GRIP1: variants seen among roughly 807,000 people sequenced by gnomAD.
GRIP1 encodes glutamate receptor interacting protein 1.
A neutral mutation model predicts 129.9 loss-of-function variants in GRIP1; 45 were observed. That is an observed-to-expected ratio of 0.35 (90% CI 0.27 to 0.44). The LOEUF is 0.44. Ranked by LOEUF, GRIP1 falls within the 20% of genes least tolerant of loss-of-function variation. The pLI is 1.00. For missense variants in GRIP1, 1,196 were observed against 1,396.8 expected, an observed-to-expected ratio of 0.86 and a Z score of 2.29; for synonymous variants, 530 against 520.8, an observed-to-expected ratio of 1.02 and a Z score of -0.24.
At position 66,456,190 on chromosome 12, in the gene GRIP1, G is replaced by T. The variant is rs532155890; in HGVS notation, c.1195C>A (p.Pro399Thr). The part of the protein sequence containing the change: ...TFPKAPPPNS[P>T]PALVSSSFSP... ...AGGAGAAAGCATGGAACATTACGAG[G>T]GCTGTTTGGAGGAGGTGCTTTCGGG... Residue 399 changes from proline (P) to threonine (T), a missense_variant, in exon 10 of 25, where the codon CCT becomes ACT. By Grantham distance (38) the Pro-to-Thr change is conservative (BLOSUM62 -1). This residue lies in a region of GRIP1 where 508 missense variants were observed against 587.0 expected (regional missense o/e 0.87). Transcript: ENST00000359742. The T allele has an allele frequency of 1.6e-6, 2 of 1,287,290 alleles. No individual in the cohort carries two copies. Among genetic ancestry groups the T allele is most frequent in the Non-Finnish European group, 2.0e-6 (2 of 986,322 alleles). 79.7% of individuals were successfully genotyped at this position (1,287,290 alleles called of 1,614,324 possible).
intron 1 of GRIP1, among the ~76,000 whole-genome samples, chr12:66,870,927 T>C (rs879309062): frequency 1.3e-5 from 2 of 152,136 alleles, no homozygotes; most frequent in Admixed American, 6.6e-5. Flanking sequence ...AACTTTAACA[T>C]TATAGCTCTC....
chr12:66,729,429 A>G (rs1301618164), intron 1 of GRIP1, among the ~76,000 whole-genome samples: 1 of 152,222 alleles, frequency 6.6e-6, no homozygotes, highest in African/African-American at 2.4e-5. Context: ...TATGCACTTA[A>G]CATTACATAT....
intron 2 of GRIP1, among the ~76,000 whole-genome samples, chr12:66,574,585 T>C (rs1212413133): frequency 1.3e-5 from 2 of 152,234 alleles, no homozygotes; most frequent in Non-Finnish European, 2.9e-5. Flanking sequence ...CCTAGAATAA[T>C]GACATCCTAA....
At position 67,042,942 on chromosome 12, in the gene GRIP1, A is replaced by G. The variant is rs148592847; in HGVS notation, c.58+26108T>C. 2.0e-3 allele frequency among the ~76,000 whole-genome samples: 310 copies of G among 152,330 alleles called. 1 individual carries two copies. The highest frequency in any genetic ancestry group is 6.7e-3 in the African/African-American group (280 of 41,586). On this transcript the variant is annotated intron_variant, in intron 1 of 1. Coordinates refer to the GRIP1 transcript ENST00000643019. ...CTGAGTAAGCAGAGAAGAGCTTCAC[A>G]TGGGACAAATGGACTTGTCCACATG...
At chr12:66,525,417 C>G (rs534130386) in intron 5 of GRIP1, among the ~76,000 whole-genome samples, 443 of 152,204 alleles carry the variant, frequency 2.9e-3, no homozygotes, top group African/African-American at 0.01. Flanking sequence ...TAAACAGAAC[C>G]AAAGACAAAA....
At chr12:66,568,965 C>A in intron 2 of GRIP1, 1 of 515,612 alleles carries the variant, frequency 1.9e-6, no homozygotes, top group Admixed American at 2.0e-5. Context: ...TAGGTTGATA[C>A]ACTGCATCTA....
intron 1 of GRIP1, among the ~76,000 whole-genome samples, chr12:66,984,772 G>T (rs776935372): frequency 6.6e-6 from 1 of 152,152 alleles, no homozygotes; most frequent in Non-Finnish European, 1.5e-5. Flanking sequence ...AAAGTAAACA[G>T]CCCCTCTTAT....
intron 2 of GRIP1, among the ~76,000 whole-genome samples, chr12:66,584,482 A>G (rs2063535546): frequency 6.6e-6 from 1 of 152,190 alleles, no homozygotes; most frequent in Non-Finnish European, 1.5e-5. Flanking sequence ...CTGAGGCAGG[A>G]GAATCACTTG....
intron 1 of GRIP1, among the ~76,000 whole-genome samples, chr12:66,763,415 A>T (rs2136680413): frequency 6.6e-6 from 1 of 152,306 alleles, no homozygotes; most frequent in East Asian, 1.9e-4. Context: ...CACCTCAGAC[A>T]TGTTTTCCAT....
At chr12:66,866,420 C>A (rs1370359023) in intron 1 of GRIP1, among the ~76,000 whole-genome samples, 2 of 152,134 alleles carry the variant, frequency 1.3e-5, no homozygotes, top group East Asian at 3.9e-4. Context: ...CTGCGATGAG[C>A]TATGATCGCA....
At chr12:66,638,029 T>C (rs545711469) in intron 1 of GRIP1, among the ~76,000 whole-genome samples, 47 of 152,338 alleles carry the variant, frequency 3.1e-4, no homozygotes, top group Non-Finnish European at 5.7e-4. Flanking sequence ...AGACTCCACA[T>C]GGTGTATGTA....
chr12:66,838,715 TTC>T (rs2039662111), intron 1 of GRIP1, among the ~76,000 whole-genome samples: 1 of 152,162 alleles, frequency 6.6e-6, no homozygotes, highest in South Asian at 2.1e-4. Context: ...GGTGAGTTGA[TTC>T]AGGTAATTCT....
intron 1 of GRIP1, among the ~76,000 whole-genome samples, chr12:66,939,659 G>A (rs1313822193): frequency 6.6e-6 from 1 of 152,040 alleles, no homozygotes; most frequent in East Asian, 1.9e-4. Flanking sequence ...AAAGAGTCAT[G>A]CCATCTTTTA....
At chr12:66,468,231 T>C (rs1489147650) in intron 7 of GRIP1, among the ~76,000 whole-genome samples, 2 of 152,166 alleles carry the variant, frequency 1.3e-5, no homozygotes, top group Non-Finnish European at 2.9e-5. Context: ...CTCTCCCTCA[T>C]TTCCCCCTTG....
chr12:66,889,197 C>T (rs982088743), intron 1 of GRIP1, among the ~76,000 whole-genome samples: 12 of 152,194 alleles, frequency 7.9e-5, no homozygotes, highest in African/African-American at 1.7e-4. Flanking sequence ...CGGCAGCTCA[C>T]GCCTGTAATC....
At chr12:66,815,124 A>C (rs927303729) in intron 1 of GRIP1, among the ~76,000 whole-genome samples, 2 of 152,214 alleles carry the variant, frequency 1.3e-5, no homozygotes, top group Non-Finnish European at 2.9e-5. Context: ...GTTTCATACA[A>C]ATTTGTTTTG....
At chr12:67,000,552 C>T (rs988997372) in intron 1 of GRIP1, among the ~76,000 whole-genome samples, 2 of 152,200 alleles carry the variant, frequency 1.3e-5, no homozygotes, top group Non-Finnish European at 2.9e-5. Flanking sequence ...CTATAAACTT[C>T]CATCCATGTT....
chr12:66,830,330 G>A (rs1186096700), intron 1 of GRIP1, among the ~76,000 whole-genome samples: 1 of 152,104 alleles, frequency 6.6e-6, no homozygotes, highest in Admixed American at 6.6e-5. Flanking sequence ...TTACCTAGAT[G>A]GGCCCAAGGT....
intron 23 of GRIP1, among the ~76,000 whole-genome samples, chr12:66,363,200 C>CATATATATATATATATATAT (rs35452357): frequency 1.8e-4 from 16 of 88,256 alleles, no homozygotes; most frequent in Admixed American, 3.6e-4. Flanking sequence ...TGTGTGTGTC[C>CATATATATATATATATATAT]ATATATATAT....
Sources: allele counts gnomAD v4.1 joint callset (sites outside exome capture counted in the v4.1 genomes callset), GRCh38; gene constraint gnomAD v4.1.1; regional missense constraint gnomAD v4.1.1; transcripts MANE v1.5; gene names NCBI Gene and HGNC (gene_info 2026-07-23, HGNC 2026-07-21).